RGS3: variants seen among roughly 807,000 people sequenced by gnomAD.
The protein encoded by RGS3 is regulator of G protein signaling 3.
RGS3 carries 80 observed loss-of-function variants against 132.6 expected under a neutral mutation model. The ratio of observed to expected loss-of-function variants is 0.60; its 90% CI spans 0.50 to 0.73. The LOEUF is 0.73. Among genes scored for constraint, RGS3 ranks in the 30% least tolerant of loss-of-function variants. The pLI is 0.00. For missense variants in RGS3, 1,382 were observed against 1,530.8 expected (o/e 0.90, Z 1.62); for synonymous variants, 598 against 620.6 (o/e 0.96, Z 0.54).
At chr9:113,447,323 GTATATGTATATATATATATATATA>G (rs1829127050) in intron 1 of RGS3, among the ~76,000 whole-genome samples, 2 of 29,422 alleles carry the variant, frequency 6.8e-5, no homozygotes, top group African/African-American at 8.9e-5. Context: ...TCTGATGTAT[GTATATGTATATATATATATATATA>G]TATATATATA....
chr9:113,586,200 C>T (rs1315090337), intron 20 of RGS3, among the ~76,000 whole-genome samples: 1 of 152,238 alleles, frequency 6.6e-6, no homozygotes, highest in African/African-American at 2.4e-5. Context: ...GGCAAGGCCT[C>T]AGGCTCATTC....
intron 19 of RGS3, among the ~76,000 whole-genome samples, chr9:113,555,399 T>C (rs1305916580): frequency 6.6e-6 from 1 of 152,194 alleles, no homozygotes; most frequent in Admixed American, 6.5e-5. Flanking sequence ...GGCTGGACCA[T>C]ACTTCTCTGC....
chr9:113,515,810 C>T (rs1047458479), intron 15 of RGS3, among the ~76,000 whole-genome samples: 3 of 152,154 alleles, frequency 2.0e-5, no homozygotes, highest in African/African-American at 7.2e-5. Flanking sequence ...GAACCTTTCC[C>T]ACACCACTAA....
intron 19 of RGS3, among the ~76,000 whole-genome samples, chr9:113,544,117 T>C (rs997677498): frequency 6.6e-6 from 1 of 152,170 alleles, no homozygotes. Context: ...TAAATCATGC[T>C]AAGAAGCACA....
chr9:113,477,856 C>T (rs1830040790), intron 3 of RGS3, among the ~76,000 whole-genome samples: 1 of 152,228 alleles, frequency 6.6e-6, no homozygotes, highest in Admixed American at 6.5e-5. Flanking sequence ...CAGATGGAGC[C>T]ATGCCTGGGC....
At chr9:113,586,816 C>T (rs1020952590) in intron 20 of RGS3, among the ~76,000 whole-genome samples, 5 of 152,224 alleles carry the variant, frequency 3.3e-5, no homozygotes, top group African/African-American at 1.2e-4. Context: ...GCCACAGTTT[C>T]CTCCTTGGTG....
At chr9:113,458,283 A>C (rs138897621), upstream of RGS3, among the ~76,000 whole-genome samples, 322 of 152,338 alleles carry the variant, frequency 2.1e-3, 1 homozygote, top group African/African-American at 7.5e-3. Flanking sequence ...TAACTTTAAA[A>C]ATTTTCACCC....
At chr9:113,597,048 C>T (rs890701245) in exon 25 of RGS3, 14 of 1,080,760 alleles carry the variant, frequency 1.3e-5, no homozygotes, top group East Asian at 7.3e-5. Flanking sequence ...GGCAAGCAAG[C>T]CCCCAGAGGC....
At chr9:113,589,008 A>T (rs1423529462) in intron 20 of RGS3, 1 of 152,296 alleles carries the variant, frequency 6.6e-6, no homozygotes, top group Non-Finnish European at 1.5e-5. Context: ...AGAGGTGGTG[A>T]GCTCCTAGTC....
At chr9:113,572,080 C>A (rs2118894700) in intron 19 of RGS3, among the ~76,000 whole-genome samples, 1 of 151,976 alleles carries the variant, frequency 6.6e-6, no homozygotes, top group East Asian at 1.9e-4. Context: ...GCAGGACGTA[C>A]AGTGTGAGCA....
rs775312792 is a variant in RGS3 at position 113,595,589 on chromosome 9, C to T, written c.3245-10C>T. 2 of 1,612,902 alleles carry T rather than the reference C, an allele frequency of 1.2e-6. No homozygotes were observed. Among genetic ancestry groups the T allele is most frequent in the South Asian group, 2.2e-5 (2 of 91,044 alleles). On this transcript the variant is annotated splice_polypyrimidine_tract_variant and intron_variant, in intron 23 of 24. Transcript: ENST00000350696. ...TTTGCCTCTTACCCCAGGATCCGTT[C>T]TCCTCACAGACGGGTTAGCAGTGTT...
rs1462263416 is a variant in RGS3, at chr9:113,579,089, C to T, written c.2038-4361C>T. Among the ~76,000 whole-genome samples the T allele has an allele frequency of 1.3e-5, 2 of 152,136 alleles. No individual in the cohort carries two copies. The highest frequency in any genetic ancestry group is 1.3e-4 in the Admixed American group (2 of 15,284). On this transcript the variant is annotated intron_variant, in intron 19 of 24. Coordinates refer to ENST00000350696, the Ensembl canonical transcript of RGS3. The surrounding 1 kb of genome is among the most constrained non-coding windows in gnomAD (Gnocchi z 4.3). ...AACCCCAGTTTACACCCCCCCAGTG[C>T]AGGAAGTGGTTTTCGAGGGCAGATG...
chr9:113,545,099 G>A (rs999774775), intron 19 of RGS3, among the ~76,000 whole-genome samples: 11 of 152,184 alleles, frequency 7.2e-5, no homozygotes, highest in African/African-American at 2.7e-4. Context: ...CTTAAGACAG[G>A]TTCTCAGGGA....
chr9:113,481,453 A>G (rs1012054978), intron 4 of RGS3, among the ~76,000 whole-genome samples: 1 of 152,216 alleles, frequency 6.6e-6, no homozygotes, highest in African/African-American at 2.4e-5. Flanking sequence ...GGCAGAGTAG[A>G]CTAGTAGGCG....
At chr9:113,529,246 C>T (rs767162071) in exon 18 of RGS3, 24 of 1,613,222 alleles carry the variant, frequency 1.5e-5, no homozygotes, top group East Asian at 4.5e-5. Context: ...TGAAATTCTG[C>T]GTGCTCTATC....
intron 3 of RGS3, among the ~76,000 whole-genome samples, chr9:113,465,144 G>A (rs1358419691): frequency 1.3e-5 from 2 of 152,182 alleles, no homozygotes; most frequent in East Asian, 3.8e-4. Flanking sequence ...AACCCCATTG[G>A]GATGCAGGGC....
chr9:113,539,120 C>T (rs996010521), intron 19 of RGS3, among the ~76,000 whole-genome samples: 1 of 152,216 alleles, frequency 6.6e-6, no homozygotes, highest in African/African-American at 2.4e-5. Flanking sequence ...TGACAGGGCC[C>T]GCCTGGCTTT....
Position 113,463,785 on chromosome 9 carries a change from G to T in RGS3, c.415+1584G>T. The T allele has an allele frequency of 5.0e-6, 8 of 1,602,304 alleles. No individual in the cohort carries two copies. Among genetic ancestry groups the T allele is most frequent in the Non-Finnish European group, 6.8e-6 (8 of 1,175,560 alleles). On this transcript the variant is annotated intron_variant, in intron 3 of 24. Transcript: ENST00000350696. The surrounding 1 kb of genome is among the most constrained non-coding windows in gnomAD (Gnocchi z 4.6). ...CCTCGGGTTGCAGACGCTCCTGTCC[G>T]GGTCGCAGTGGGACGCCATGGAGCG...
chr9:113,497,380 AGGCGGCGACTGC>A (rs1352228711), exon 9 of RGS3: 4 of 1,613,464 alleles, frequency 2.5e-6, no homozygotes, highest in Admixed American at 3.3e-5. Flanking sequence ...GAAGGTGGCC[AGGCGGCGACTGC>A]GGCCGCTGAG....
Sources: gnomAD v4.1 joint callset for allele counts (sites outside exome capture counted in the v4.1 genomes callset) on GRCh38, gnomAD v4.1.1 for gene constraint, Gnocchi (gnomAD v3.1) non-coding constraint, MANE v1.5 for transcripts, NCBI Gene and HGNC (gene_info 2026-07-23, HGNC 2026-07-21) for gene names.